Variants in PLEC observed in about 807,000 individuals in gnomAD.
PLEC encodes the protein plectin, also known as hemidesmosomal protein 1.
In PLEC, 216 loss-of-function variants were observed where a neutral mutation model predicts 392.8. The ratio of observed to expected loss-of-function variants is 0.55; its 90% CI spans 0.49 to 0.62. The LOEUF is 0.62. PLEC is among the 20% of genes least tolerant of loss of function. PLEC has a pLI of 0.00. For missense variants in PLEC, 6,863 were observed against 6,563.4 expected (o/e 1.05, Z -1.58); for synonymous variants, 3,621 against 2,980.6 (o/e 1.21, Z -7.00).
chr8:143,968,546 A>AAAAAAAAAAAAAC (rs1833241593), intron 1 of PLEC, among the ~76,000 whole-genome samples: 2 of 151,522 alleles, frequency 1.3e-5, no homozygotes, highest in African/African-American at 2.4e-5. Context: ...AAAAAAAAAA[A>AAAAAAAAAAAAAC]AGACACCAGC....
upstream of PLEC, among the ~76,000 whole-genome samples, chr8:143,953,259 C>A (rs1426083202): frequency 2.8e-5 from 4 of 144,486 alleles, no homozygotes; most frequent in African/African-American, 1.0e-4. Flanking sequence ...CCAGCCCCCC[C>A]ACCCCACCCC....
In PLEC at chr8:143,919,362, C is replaced by T. The variant is rs202001247; in HGVS notation, c.10459G>A (p.Val3487Met). Residue 3487 changes from valine (V) to methionine (M), a missense_variant, in exon 32 of 32, where the codon GTG becomes ATG. By Grantham distance (21) the Val-to-Met change is conservative. Transcript: ENST00000345136. Reference sequence around the variant, plus strand: ...CTGAAGTAGCCGCGCTGGTAGGCCACGTCCACAGGCACGCGGTGGCTGTGC... The same window carrying T: ...CTGAAGTAGCCGCGCTGGTAGGCCATGTCCACAGGCACGCGGTGGCTGTGC... ...PVHSHRVPVD[V>M]AYQRGYFSEE... is the part of the protein sequence containing the mutation. 200 of 1,613,830 alleles carry T rather than the reference C, an allele frequency of 1.2e-4. 1 individual carries two copies. Among genetic ancestry groups the T allele is most frequent in the Middle Eastern group, 1.7e-4 (1 of 6,054 alleles).
chr8:143,952,771 G>A (rs1365610570), upstream of PLEC, among the ~76,000 whole-genome samples: 1 of 152,124 alleles, frequency 6.6e-6, no homozygotes, highest in Non-Finnish European at 1.5e-5. Flanking sequence ...GACCCCCGCT[G>A]GGCCGCCACC....
intron 1 of PLEC, among the ~76,000 whole-genome samples, chr8:143,947,731 C>G (rs1292187630): frequency 6.6e-6 from 1 of 152,214 alleles, no homozygotes; most frequent in Non-Finnish European, 1.5e-5. Flanking sequence ...GCCTGGGCAA[C>G]AGAGCGGGAC....
At position 143,935,043 on chromosome 8, in the gene PLEC, C is replaced by A; in HGVS notation, c.793G>T (p.Val265Leu). ...CTCACCCCATCCTGCACGTCCGGCA[C>A]GCGGGGCATGGCGTCATACAGCGAC... The part of the protein sequence containing the change: ...VSSLYDAMPR[V>L]PDVQDGVRAN... The change falls in exon 8 of 32, where the codon GTG becomes TTG. Residue 265 changes from valine to leucine, a missense_variant. Coordinates refer to ENST00000345136, the MANE Select transcript of PLEC (RefSeq NM_201384.3). 6.2e-7 allele frequency: 1 copy of A among 1,612,808 alleles called. No homozygotes were observed. Among genetic ancestry groups the A allele is most frequent in the Non-Finnish European group, 8.5e-7 (1 of 1,179,912 alleles).
At position 143,917,203 on chromosome 8, in the gene PLEC, A is replaced by G. The variant is rs1353880346; in HGVS notation, c.12618T>C (p.Asp4206=). 3 of 1,612,794 alleles carry G rather than the reference A, an allele frequency of 1.9e-6. No individual in the cohort carries two copies. The highest frequency in any genetic ancestry group is 1.3e-5 in the African/African-American group (1 of 74,924). The change falls in exon 32 of 32, where the codon GAT becomes GAC. Residue 4206 remains aspartate (D), a synonymous_variant. Coordinates refer to ENST00000345136, the MANE Select transcript of PLEC (RefSeq NM_201384.3). ...CGATGAGGTTCTTGGCGATGGCATC[A>G]TCGATGTCGTACTGGCGCCCGGAGC... is the stretch of plus-strand genomic sequence containing the variant. ...DRRSGRQYDI[D]DAIAKNLIDR... is the part of the protein sequence containing the mutation.
At chr8:143,954,643 A>G (rs1219470794), upstream of PLEC, among the ~76,000 whole-genome samples, 1 of 152,164 alleles carries the variant, frequency 6.6e-6, no homozygotes, top group African/African-American at 2.4e-5. The surrounding 1 kb of genome is among the most constrained non-coding windows in gnomAD (Gnocchi z 4.6). Flanking sequence ...CCGCAGGAGT[A>G]GCTGTGTGTC....
chr8:143,949,855 A>T (rs1194771393), intron 1 of PLEC, among the ~76,000 whole-genome samples: 1 of 152,276 alleles, frequency 6.6e-6, no homozygotes, highest in East Asian at 1.9e-4. Flanking sequence ...CGGGGAAGAC[A>T]GGTCACTGGG....
At position 143,924,539 on chromosome 8, in the gene PLEC, C is replaced by T. The variant is rs782581787; in HGVS notation, c.5390G>A (p.Arg1797His). 351 of 1,538,656 alleles carry T rather than the reference C, an allele frequency of 2.3e-4. No homozygotes were observed. The highest frequency in any genetic ancestry group is 2.7e-4 in the Non-Finnish European group (315 of 1,149,080). ...GCGGGCGGCCTCCTCGGCCAGCTCG[C>T]GGAACCGGCCGGCCTCGGCCTCCAG... ...QRLEAEAGRF[R>H]ELAEEAARLR... The change falls in exon 31 of 32, where the codon CGC becomes CAC. Residue 1797 changes from arginine (R) to histidine (H), a missense_variant. Arg to His is a conservative substitution (Grantham distance 29, BLOSUM62 0). Transcript: ENST00000345136.
At chr8:143,943,653 G>A (rs1468815058), upstream of PLEC, 2 of 896,172 alleles carry the variant, frequency 2.2e-6, no homozygotes, top group East Asian at 5.4e-5. Context: ...GGGTGGAGGG[G>A]CAACACTGCT....
In PLEC at chr8:143,939,596, C is replaced by G. The variant is rs1391589988; in HGVS notation, c.-135G>C. On this transcript the variant is annotated 5_prime_UTR_variant, in exon 1 of 32. Coordinates refer to ENST00000345136, the MANE Select transcript of PLEC (RefSeq NM_201384.3). ...CTCGGCACAGGCTCAGCTCAGAGCC[C>G]CAGTCGGTGCGGCCACTCCCTGCCT... The G allele has an allele frequency of 4.7e-6, 7 of 1,493,030 alleles. No homozygotes were observed. Among genetic ancestry groups the G allele is most frequent in the Non-Finnish European group, 6.2e-6 (7 of 1,120,770 alleles). 92.5% of individuals were successfully genotyped at this position (1,493,030 alleles called of 1,614,324 possible). A position where few individuals can be genotyped will look rare whatever the true frequency, so the allele number is the denominator to read the frequency against.
Position 143,932,999 on chromosome 8 carries a change from C to T in PLEC, c.1531G>A (p.Val511Met). Residue 511 changes from valine to methionine, a missense_variant, in exon 14 of 32, where the codon GTG becomes ATG. Coordinates refer to ENST00000345136, the MANE Select transcript of PLEC (RefSeq NM_201384.3). Reference protein sequence around the residue: ...TQVAQVTLQSVQRRPELEDST... With the variant: ...TQVAQVTLQSMQRRPELEDST... ...TCCTCCAGCTCGGGGCGCCTCTGCA[C>T]ACTCTGCAGAGTCACCTGGGCCACC... 6.2e-7 allele frequency: 1 copy of T among 1,608,786 alleles called. No individual in the cohort carries two copies. Among genetic ancestry groups the T allele is most frequent in the Non-Finnish European group, 8.5e-7 (1 of 1,178,420 alleles).
intron 1 of PLEC, among the ~76,000 whole-genome samples, chr8:143,961,426 A>G (rs1448215352): frequency 6.6e-6 from 1 of 152,136 alleles, no homozygotes; most frequent in African/African-American, 2.4e-5. Context: ...GCGTTTCACC[A>G]TGTTGGTTAG....
exon 1 of PLEC, chr8:143,950,733 G>T: frequency 6.5e-7 from 1 of 1,546,444 alleles, no homozygotes; most frequent in Non-Finnish European, 8.7e-7. Flanking sequence ...CAGTCAGTGC[G>T]GGGGCAAAGG....
At chr8:143,926,539 C>T (rs570133736) in intron 30 of PLEC, among the ~76,000 whole-genome samples, 306 of 152,168 alleles carry the variant, frequency 2.0e-3, no homozygotes, top group Non-Finnish European at 3.6e-3. Flanking sequence ...GGGACGCTCA[C>T]GAGGGAGGAG....
chr8:143,937,516 G>A, intron 3 of PLEC: 1 of 561,130 alleles, frequency 1.8e-6, no homozygotes, highest in South Asian at 2.0e-5. Context: ...CGTGTGGAGG[G>A]CAGTGGCACT....
rs781887196 is a variant in PLEC, at chr8:143,930,156, T to C, written c.2600A>G (p.Glu867Gly). The change falls in exon 21 of 32, where the codon GAG becomes GGG. Residue 867 changes from glutamate (E) to glycine (G), a missense_variant. Coordinates refer to ENST00000345136, the MANE Select transcript of PLEC (RefSeq NM_201384.3). ...LVPPPNQEAQ[E>G]AVTRLEAQHQ... ...CCCCGCCACCCACCTGGTGACGGCCTCCTGGGCCTCCTGGTTGGGCGGGGG... is the reference window on the plus strand; with the variant it reads ...CCCCGCCACCCACCTGGTGACGGCCCCCTGGGCCTCCTGGTTGGGCGGGGG... 2.5e-6 allele frequency: 4 copies of C among 1,581,802 alleles called. No individual in the cohort carries two copies. Among genetic ancestry groups the C allele is most frequent in the Non-Finnish European group, 3.4e-6 (4 of 1,170,036 alleles).
rs201387815 is a variant in PLEC, at chr8:143,919,322, C to T, written c.10499G>A (p.Arg3500His). Residue 3500 changes from arginine to histidine, a missense_variant, in exon 32 of 32, where the codon CGC (arginine) becomes CAC (histidine). Transcript: ENST00000345136. ...QRGYFSEEMN[R>H]VLADPSDDTK... ...GTCGTCGCTGGGGTCCGCCAGGACG[C>T]GGTTCATCTCCTCACTGAAGTAGCC... 1.0e-4 allele frequency: 162 copies of T among 1,613,842 alleles called. No homozygotes were observed. Among genetic ancestry groups the T allele is most frequent in the Admixed American group, 3.8e-4 (23 of 60,014 alleles).
At chr8:143,950,740 AAGGCAGCAGGC>A (rs1292381159) in exon 1 of PLEC, 114 of 1,543,624 alleles carry the variant, frequency 7.4e-5, no homozygotes, top group Non-Finnish European at 9.6e-5. Context: ...TGCGGGGGCA[AAGGCAGCAGGC>A]AGGGTACCAC....
Sources: allele counts gnomAD v4.1 joint callset (sites outside exome capture counted in the v4.1 genomes callset), GRCh38; gene constraint gnomAD v4.1.1; non-coding constraint Gnocchi (gnomAD v3.1); transcripts MANE v1.5; gene names NCBI Gene and HGNC (gene_info 2026-07-23, HGNC 2026-07-21).